RTCB: variants seen among roughly 807,000 people sequenced by gnomAD.
RTCB encodes RNA 2',3'-cyclic phosphate and 5'-OH ligase.
A neutral mutation model predicts 58.2 loss-of-function variants in RTCB; 32 were observed. The ratio of observed to expected loss-of-function variants is 0.55; its 90% CI spans 0.41 to 0.74. The LOEUF is 0.74. Ranked by LOEUF, RTCB falls within the 30% of genes least tolerant of loss-of-function variation. The pLI is 0.00. For missense variants in RTCB, 523 were observed against 639.0 expected (o/e 0.82, Z 1.96); for synonymous variants, 247 against 218.6 (o/e 1.13, Z -1.15).
intron 9 of RTCB, among the ~76,000 whole-genome samples, chr22:32,394,373 A>C (rs1163233118): frequency 6.6e-6 from 1 of 152,094 alleles, no homozygotes; most frequent in Non-Finnish European, 1.5e-5. Context: ...GGCCTCCGAA[A>C]GTGCTGGGAT....
intron 5 of RTCB, among the ~76,000 whole-genome samples, chr22:32,401,302 C>G (rs1184178447): frequency 6.6e-6 from 1 of 151,454 alleles, no homozygotes; most frequent in East Asian, 1.9e-4. Flanking sequence ...TGCCTAGGTT[C>G]ATCTTTTACT....
Position 32,395,038 on chromosome 22 carries a change from A to G in RTCB, c.1167T>C (p.Ala389=). The part of the protein sequence containing the change: ...RAFPPHHPLI[A]VDYQLTGQPV... Reference sequence around the variant, plus strand: ...TAGAGCTACGTACTTGGTAATCAACAGCAATGAGGGGATGGTGAGGAGGGA... The same window carrying G: ...TAGAGCTACGTACTTGGTAATCAACGGCAATGAGGGGATGGTGAGGAGGGA... The change falls in exon 9 of 12, where the codon GCT becomes GCC. Residue 389 remains alanine, a synonymous_variant. Transcript: ENST00000216038. 6.2e-7 allele frequency: 1 copy of G among 1,613,372 alleles called. No individual in the cohort carries two copies.
intron 6 of RTCB, among the ~76,000 whole-genome samples, chr22:32,399,205 C>G (rs1289325558): frequency 6.6e-6 from 1 of 152,180 alleles, no homozygotes; most frequent in Non-Finnish European, 1.5e-5. Context: ...GGCGTGATCA[C>G]AGCTCACTGC....
At chr22:32,394,709 G>A (rs1933214761) in intron 9 of RTCB, among the ~76,000 whole-genome samples, 1 of 152,160 alleles carries the variant, frequency 6.6e-6, no homozygotes, top group South Asian at 2.1e-4. Flanking sequence ...GAGGACAGGA[G>A]GAATGAAACA....
Position 32,387,990 on chromosome 22 carries a change from T to A in RTCB, c.*2A>T. 2 of 1,600,772 alleles carry A rather than the reference T, an allele frequency of 1.2e-6. No individual in the cohort carries two copies. Among genetic ancestry groups the A allele is most frequent in the South Asian group, 2.2e-5 (2 of 90,758 alleles). The stretch of plus-strand genomic sequence containing the variant: ...TGTCAGGCAGCCCTGCTGTCCAAGG[T>A]TCTATCCTTTGATCACAGCAATTGG... On this transcript the variant is annotated 3_prime_UTR_variant, in exon 12 of 12. Transcript: ENST00000216038.
chr22:32,394,143 G>A, intron 9 of RTCB, 141 bp from the exon 10 acceptor site: 1 of 557,238 alleles, frequency 1.8e-6, no homozygotes. Flanking sequence ...TGGGAGTCTT[G>A]CTCTGTCGCC....
intron 5 of RTCB, among the ~76,000 whole-genome samples, chr22:32,400,365 C>T (rs1933316561): frequency 6.6e-6 from 1 of 152,184 alleles, no homozygotes; most frequent in Non-Finnish European, 1.5e-5. Flanking sequence ...TAATCTTCAT[C>T]CAAGGTCCAG....
chr22:32,412,095 C>T lies in RTCB; in HGVS notation c.62G>A (p.Arg21Lys). The change falls in exon 1 of 12, where the codon AGG becomes AAG. Residue 21 changes from arginine to lysine, a missense_variant. By Grantham distance (26) the Arg-to-Lys change is conservative. Coordinates refer to ENST00000216038, the MANE Select transcript of RTCB (RefSeq NM_014306.5). The part of the protein sequence containing the change: ...FLEKINKNCW[R>K]IKKGFVPNMQ... ...GTTGGGCACGAAGCCCTTCTTGATC[C>T]TCCAGCAGTTTTTATTGATCTTCTC... 1 of 1,609,708 alleles carries T rather than the reference C, an allele frequency of 6.2e-7. No homozygotes were observed. The highest frequency in any genetic ancestry group is 1.7e-5 in the Admixed American group (1 of 59,530).
At chr22:32,405,066 AG>A (rs1933397800) in intron 4 of RTCB, among the ~76,000 whole-genome samples, 1 of 152,088 alleles carries the variant, frequency 6.6e-6, no homozygotes, top group African/African-American at 2.4e-5. Flanking sequence ...GGTGGGGGTG[AG>A]GGGGAAGACC....
intron 11 of RTCB, among the ~76,000 whole-genome samples, chr22:32,389,606 C>T (rs953425877): frequency 1.3e-5 from 2 of 151,234 alleles, no homozygotes; most frequent in African/African-American, 4.9e-5. Flanking sequence ...AGCCACTGTG[C>T]TCAGCTTCTT....
Position 32,397,964 on chromosome 22 carries a change from C to CCT in RTCB, c.789_790dup (p.Gly264GlufsTer7). 3 of 1,613,524 alleles carry CCT rather than the reference C, an allele frequency of 1.9e-6. No individual in the cohort carries two copies. Among genetic ancestry groups the CCT allele is most frequent in the Non-Finnish European group, 2.5e-6 (3 of 1,179,846 alleles). ...ACCTGTGGCTACTTGGTGGCCCAAGCCTCTGCTTCCACTGTGGATCATCAC... is the reference window on the plus strand; with the variant it reads ...ACCTGTGGCTACTTGGTGGCCCAAGCCTCTCTGCTTCCACTGTGGATCATCAC... On this transcript the variant is annotated frameshift_variant, in exon 7 of 12. Transcript: ENST00000216038. LOFTEE classifies it high-confidence loss of function.
At chr22:32,395,516 T>C (rs534765559) in intron 8 of RTCB, among the ~76,000 whole-genome samples, 4 of 152,316 alleles carry the variant, frequency 2.6e-5, no homozygotes, top group African/African-American at 9.6e-5. Flanking sequence ...TTTTATTCTC[T>C]ATGCTGTTCA....
intron 1 of RTCB, among the ~76,000 whole-genome samples, chr22:32,409,864 C>G (rs938988789): frequency 8.0e-5 from 12 of 150,484 alleles, no homozygotes; most frequent in African/African-American, 3.0e-4. Flanking sequence ...GTCACCCAGG[C>G]TGGAGTGCAG....
At chr22:32,410,395 T>C (rs1240417834) in intron 1 of RTCB, among the ~76,000 whole-genome samples, 1 of 152,186 alleles carries the variant, frequency 6.6e-6, no homozygotes, top group Non-Finnish European at 1.5e-5. Context: ...CATGTGGGTC[T>C]TGGGGGAGAA....
chr22:32,409,411 T>C (rs917835462), intron 1 of RTCB, among the ~76,000 whole-genome samples: 3 of 152,206 alleles, frequency 2.0e-5, no homozygotes, highest in Non-Finnish European at 4.4e-5. Flanking sequence ...GAAAGCTATA[T>C]AATTTTTTAA....
rs1933226763 is a variant in RTCB, at chr22:32,395,258, C to CT, written c.991-45dup. 2.6e-6 allele frequency: 4 copies of CT among 1,557,072 alleles called. No individual in the cohort carries two copies. In the East Asian group the frequency reaches 9.2e-5, roughly 36 times the overall value. ...GATAAAAGCAGCCAGAACTTCAGGA[C>CT]TTATGTTCAGCTCTTCGTGACTCAT... On this transcript the variant is annotated intron_variant, in intron 8 of 11. Transcript: ENST00000216038.
Position 32,401,749 on chromosome 22 carries a change from G to A in RTCB, c.495C>T (p.Ala165=), listed in dbSNP as rs749340829. The change falls in exon 5 of 12, where the codon GCC becomes GCT. Residue 165 remains alanine (A), a splice_region_variant and synonymous_variant. Transcript: ENST00000216038. ...VGSKGVIPMN[A]KDLEEALEMG... is the part of the protein sequence containing the mutation. Reference sequence around the variant, plus strand: ...GTACTGGAAACGTGTGCTCTTACTTGGCATTCATTGGGATGACACCTTTTG... The same window carrying A: ...GTACTGGAAACGTGTGCTCTTACTTAGCATTCATTGGGATGACACCTTTTG... 2.7e-5 allele frequency: 44 copies of A among 1,613,648 alleles called. No individual in the cohort carries two copies. The highest frequency in any genetic ancestry group is 3.6e-5 in the Non-Finnish European group (42 of 1,179,796).
intron 5 of RTCB, chr22:32,401,542 T>C (rs1358634922): frequency 1.9e-6 from 1 of 519,370 alleles, no homozygotes; most frequent in Non-Finnish European, 3.4e-6. Context: ...TAAATACTAC[T>C]CTATGTCAAA....
chr22:32,406,254 T>C (rs191192649), intron 4 of RTCB, among the ~76,000 whole-genome samples: 24 of 152,220 alleles, frequency 1.6e-4, no homozygotes, highest in Admixed American at 9.8e-4. Flanking sequence ...TGACAGAACA[T>C]GATGAGACTG....
Sources: allele counts gnomAD v4.1 joint callset (sites outside exome capture counted in the v4.1 genomes callset), GRCh38; gene constraint gnomAD v4.1.1; transcripts MANE v1.5; gene names NCBI Gene and HGNC (gene_info 2026-07-23, HGNC 2026-07-21).